UPB1: variants seen among roughly 807,000 people sequenced by gnomAD.
UPB1 encodes the protein beta-ureidopropionase 1.
UPB1 carries 40 observed loss-of-function variants against 49.1 expected under a neutral mutation model. That is an observed-to-expected ratio of 0.81 (90% confidence interval 0.63 to 1.06). The LOEUF is 1.06. Ranked by LOEUF, UPB1 falls within the 50% of genes least tolerant of loss-of-function variation. The pLI, the probability that UPB1 is intolerant of heterozygous loss-of-function variation, is 0.00. For missense variants in UPB1, 499 were observed against 505.9 expected (o/e 0.99, Z 0.13); for synonymous variants, 207 against 198.2 (o/e 1.04, Z -0.38).
intron 9 of UPB1, among the ~76,000 whole-genome samples, chr22:24,525,279 T>C (rs868363351): frequency 3.1e-4 from 47 of 152,170 alleles, no homozygotes; most frequent in African/African-American, 1.1e-3. Flanking sequence ...CCAGCCTCTG[T>C]ATCCACGATG....
intron 1 of UPB1, among the ~76,000 whole-genome samples, chr22:24,499,106 G>A (rs975958852): frequency 1.3e-5 from 2 of 152,194 alleles, no homozygotes; most frequent in African/African-American, 4.8e-5. Context: ...CTGATTGTCA[G>A]GGGCGGAACC....
intron 3 of UPB1, among the ~76,000 whole-genome samples, chr22:24,504,278 C>T (rs1183057293): frequency 6.6e-6 from 1 of 152,226 alleles, no homozygotes; most frequent in Non-Finnish European, 1.5e-5. Context: ...AGGCCTTGCC[C>T]ATCTGAAAAT....
intron 3 of UPB1, among the ~76,000 whole-genome samples, chr22:24,504,904 ATTTTT>A (rs56198043): frequency 9.1e-6 from 1 of 109,364 alleles, no homozygotes; most frequent in Admixed American, 9.6e-5. Flanking sequence ...ATTTTCTTGA[ATTTTT>A]TTTTTTTTTT....
intron 5 of UPB1, among the ~76,000 whole-genome samples, chr22:24,513,841 C>G (rs960285932): frequency 4.6e-5 from 7 of 152,172 alleles, no homozygotes; most frequent in Admixed American, 3.9e-4. Flanking sequence ...ATTCCTGTGG[C>G]CCCTTTCAGG....
chr22:24,525,722 G>T lies in UPB1; in HGVS notation c.1083G>T (p.Arg361Ser). ...TGTTTTGCTTTCAGATGACGGGCAGGTATGAGATGTACGCACGGGAGCTCG... is the reference window on the plus strand; with the variant it reads ...TGTTTTGCTTTCAGATGACGGGCAGTTATGAGATGTACGCACGGGAGCTCG... ...NDVWNFKMTG[R>S]YEMYARELAE... The change falls in exon 10 of 10, where the codon AGG (arginine) becomes AGT (serine). Residue 361 changes from arginine (R) to serine (S), a missense_variant. Arg to Ser is a moderately radical substitution (Grantham distance 110). Transcript: ENST00000326010. The T allele has an allele frequency of 1.2e-6, 2 of 1,614,174 alleles. No individual in the cohort carries two copies. The highest frequency in any genetic ancestry group is 1.1e-5 in the South Asian group (1 of 91,080).
chr22:24,524,321 C>T (rs1029139787), intron 9 of UPB1, among the ~76,000 whole-genome samples: 7 of 152,178 alleles, frequency 4.6e-5, no homozygotes, highest in African/African-American at 1.7e-4. Context: ...TCGAAGGTCC[C>T]ATGCTGGCTT....
chr22:24,523,894 T>C, intron 9 of UPB1, 121 bp downstream of exon 9: 1 of 1,457,956 alleles, frequency 6.9e-7, no homozygotes, highest in South Asian at 1.1e-5. Flanking sequence ...ACCTGAGGGC[T>C]CTGTGTGAGC....
chr22:24,509,814 ATCACCATGATC>A (rs962748029), intron 3 of UPB1, among the ~76,000 whole-genome samples: 10 of 152,242 alleles, frequency 6.6e-5, no homozygotes, highest in East Asian at 5.8e-4. Flanking sequence ...TGCAACCATC[ATCACCATGATC>A]TCCAGAACTT....
At chr22:24,498,576 G>A (rs1005692571) in intron 1 of UPB1, among the ~76,000 whole-genome samples, 16 of 152,268 alleles carry the variant, frequency 1.1e-4, no homozygotes, top group East Asian at 5.8e-4. Context: ...GAATGAGCTC[G>A]CAGGGAGCTG....
intron 2 of UPB1, among the ~76,000 whole-genome samples, chr22:24,501,219 G>T (rs1426797580): frequency 2.0e-5 from 3 of 152,150 alleles, no homozygotes; most frequent in African/African-American, 4.8e-5. Context: ...GATGCTGTCA[G>T]CAAATATCCA....
chr22:24,497,400 G>A (rs1476834811), intron 1 of UPB1, among the ~76,000 whole-genome samples: 1 of 152,186 alleles, frequency 6.6e-6, no homozygotes, highest in South Asian at 2.1e-4. Context: ...CTAGTTTAAT[G>A]ATTTAAAGTG....
intron 3 of UPB1, among the ~76,000 whole-genome samples, chr22:24,505,333 T>C (rs1266160754): frequency 2.0e-5 from 3 of 152,254 alleles, no homozygotes; most frequent in African/African-American, 7.2e-5. Context: ...GGATTAAAAA[T>C]CTGTGAGCTC....
chr22:24,522,465 G>T (rs748472072), intron 8 of UPB1, among the ~76,000 whole-genome samples: 1 of 152,160 alleles, frequency 6.6e-6, no homozygotes, highest in Admixed American at 6.5e-5. Flanking sequence ...TCCATGGCTT[G>T]TTTTGATCCA....
intron 7 of UPB1, 106 bp downstream of exon 7, chr22:24,520,574 G>C: frequency 7.9e-7 from 1 of 1,270,794 alleles, no homozygotes; most frequent in Non-Finnish European, 1.1e-6. Flanking sequence ...GTCCGGAAAG[G>C]GGTAAAACTG....
At chr22:24,503,306 G>GC (rs965440488) in intron 3 of UPB1, 1 of 152,214 alleles carries the variant, frequency 6.6e-6, no homozygotes, top group Non-Finnish European at 1.5e-5. Flanking sequence ...TGAATCAGGT[G>GC]CCCCCTCTGC....
At chr22:24,497,002 CAT>C (rs2043902772) in intron 1 of UPB1, among the ~76,000 whole-genome samples, 1 of 152,128 alleles carries the variant, frequency 6.6e-6, no homozygotes, top group African/African-American at 2.4e-5. Flanking sequence ...AACACATGGA[CAT>C]ATGTGGAACA....
Position 24,523,791 on chromosome 22 carries a change from CTGT to C in UPB1, c.1071+24_1071+26del. 1 of 1,614,070 alleles carries C rather than the reference CTGT, an allele frequency of 6.2e-7. No individual in the cohort carries two copies. Among genetic ancestry groups the C allele is most frequent in the Non-Finnish European group, 8.5e-7 (1 of 1,180,038 alleles). ...ACTTCAAGGTAGGTCCCCAGGACCCCTGTTGTTGCCTGCTCCTCTGCTTTGGCC... is the reference window on the plus strand; with the variant it reads ...ACTTCAAGGTAGGTCCCCAGGACCCCTGTTGCCTGCTCCTCTGCTTTGGCC... On this transcript the variant is annotated intron_variant, in intron 9 of 9. Transcript: ENST00000326010.
intron 1 of UPB1, among the ~76,000 whole-genome samples, chr22:24,497,077 G>C (rs1384588313): frequency 6.6e-6 from 1 of 152,080 alleles, no homozygotes; most frequent in African/African-American, 2.4e-5. Context: ...GTTTTTCAAC[G>C]GGAGAGACTC....
chr22:24,500,898 A>G (rs1248553932), intron 2 of UPB1, among the ~76,000 whole-genome samples: 2 of 152,316 alleles, frequency 1.3e-5, no homozygotes, highest in African/African-American at 4.8e-5. Flanking sequence ...ATTTTCCTGC[A>G]CAGGTTTCCT....
Sources: gnomAD v4.1 joint callset for allele counts (sites outside exome capture counted in the v4.1 genomes callset) on GRCh38, gnomAD v4.1.1 for gene constraint, MANE v1.5 for transcripts, NCBI Gene and HGNC (gene_info 2026-07-23, HGNC 2026-07-21) for gene names.